Variants in FAM222B observed in about 807,000 individuals in gnomAD.
FAM222B encodes protein FAM222B.
Under a neutral mutation model 38.0 loss-of-function variants are expected in FAM222B, and 12 were observed. That is an observed-to-expected ratio of 0.32 (90% CI 0.20 to 0.51). FAM222B has a LOEUF of 0.51. FAM222B is among the 20% of genes least tolerant of loss of function. The probability of loss-of-function intolerance (pLI) is 0.97; values close to 1 mark genes in which losing one functional copy is unlikely to be tolerated. For synonymous variants in FAM222B, 329 were observed against 317.2 expected (o/e 1.04, Z -0.40); for missense variants, 716 against 754.2 (o/e 0.95, Z 0.59).
intron 1 of FAM222B, chr17:28,849,324 T>C: frequency 6.6e-6 from 1 of 152,304 alleles, no homozygotes; most frequent in South Asian, 2.1e-4. Context: ...AGCGATTTTC[T>C]ACTCTTCGGA....
At chr17:28,763,973 C>A (rs1330926628) in intron 2 of FAM222B, among the ~76,000 whole-genome samples, 1 of 152,066 alleles carries the variant, frequency 6.6e-6, no homozygotes, top group Non-Finnish European at 1.5e-5. Context: ...CAGTGTTCTG[C>A]CATGGAAGGA....
intron 1 of FAM222B, among the ~76,000 whole-genome samples, chr17:28,775,125 T>C (rs1374274938): frequency 2.0e-5 from 3 of 148,482 alleles, no homozygotes; most frequent in African/African-American, 7.4e-5. Context: ...CTCAGCCTCC[T>C]GAGTAGCTGG....
rs570280286 is a variant in FAM222B, at chr17:28,852,059, T to A, written c.-41+2891A>T. Among the ~76,000 whole-genome samples, 377 of 150,640 alleles carry A rather than the reference T, an allele frequency of 2.5e-3. 1 individual carries two copies. The highest frequency in any genetic ancestry group is 8.1e-3 in the East Asian group (41 of 5,046). Reference sequence around the variant, plus strand: ...AGAGTGAGACTGTGGCTCAAAAAAATTTTTTTTTAATTAAAAAAAGCAACG... The same window carrying A: ...AGAGTGAGACTGTGGCTCAAAAAAAATTTTTTTTAATTAAAAAAAGCAACG... On this transcript the variant is annotated intron_variant, in intron 1 of 2. Transcript: ENST00000577513.
At chr17:28,816,533 A>C (rs1174482385) in intron 1 of FAM222B, among the ~76,000 whole-genome samples, 1 of 152,104 alleles carries the variant, frequency 6.6e-6, no homozygotes, top group African/African-American at 2.4e-5. Context: ...CAAATTTCCT[A>C]AATGGCATTT....
At chr17:28,850,190 C>A (rs953261108) in intron 1 of FAM222B, among the ~76,000 whole-genome samples, 1 of 152,114 alleles carries the variant, frequency 6.6e-6, no homozygotes, top group Non-Finnish European at 1.5e-5. Context: ...CTCTTGATAG[C>A]ATGAGGGGCC....
intron 1 of FAM222B, among the ~76,000 whole-genome samples, chr17:28,788,820 TAACC>T (rs1292006785): frequency 6.6e-6 from 1 of 152,020 alleles, no homozygotes; most frequent in Admixed American, 6.6e-5. Flanking sequence ...TGGCTTACTA[TAACC>T]ACTGCCTCCC....
At chr17:28,803,520 C>T (rs1008854031) in intron 1 of FAM222B, among the ~76,000 whole-genome samples, 1 of 151,970 alleles carries the variant, frequency 6.6e-6, no homozygotes. Flanking sequence ...GGGTCTCAAA[C>T]TCCTGGGCTC....
chr17:28,842,159 C>T (rs1159020603), intron 1 of FAM222B, among the ~76,000 whole-genome samples: 1 of 152,082 alleles, frequency 6.6e-6, no homozygotes, highest in Non-Finnish European at 1.5e-5. Flanking sequence ...CCCAAGGTTA[C>T]CTAACAGCTT....
At chr17:28,830,918 A>G (rs1184601184) in intron 1 of FAM222B, among the ~76,000 whole-genome samples, 1 of 151,356 alleles carries the variant, frequency 6.6e-6, no homozygotes, top group Non-Finnish European at 1.5e-5. Context: ...TGAGATGACT[A>G]TTCTTTCTCC....
intron 1 of FAM222B, among the ~76,000 whole-genome samples, chr17:28,833,504 C>A (rs1401539703): frequency 6.7e-6 from 1 of 148,544 alleles, no homozygotes; most frequent in African/African-American, 2.5e-5. Context: ...GTAGTCCCAG[C>A]TACTTGGGAG....
rs1198596578 is a variant in FAM222B, at chr17:28,756,020, A to C, written c.*2250T>G. ...TTACTGGTTTATAATAATCTTAAAA[A>C]CCCCATCACACCCATAAACCACCAC... On this transcript the variant is annotated 3_prime_UTR_variant, in exon 3 of 3. Transcript: ENST00000581407. 2 of 152,388 alleles carry C rather than the reference A, an allele frequency of 1.3e-5. No homozygotes were observed. Among genetic ancestry groups the C allele is most frequent in the African/African-American group, 4.8e-5 (2 of 41,372 alleles). The allele number at this position is 152,388 out of a possible 1,614,324, so 9.4% of individuals were successfully genotyped here.
chr17:28,838,030 T>C (rs988251045), intron 1 of FAM222B, among the ~76,000 whole-genome samples: 42 of 149,254 alleles, frequency 2.8e-4, no homozygotes, highest in Middle Eastern at 3.5e-3. Context: ...CTTTGGGAGG[T>C]AGAGGCGGGT....
chr17:28,823,239 C>T (rs772461685), intron 1 of FAM222B, among the ~76,000 whole-genome samples: 28 of 152,082 alleles, frequency 1.8e-4, no homozygotes, highest in Non-Finnish European at 3.2e-4. Flanking sequence ...ACTTCTATTT[C>T]CACCACTCCA....
chr17:28,765,325 T>C (rs1567796777), intron 2 of FAM222B, among the ~76,000 whole-genome samples: 1 of 152,234 alleles, frequency 6.6e-6, no homozygotes, highest in Admixed American at 6.5e-5. Flanking sequence ...GTAAAAAAGT[T>C]TCACTGGAAC....
At chr17:28,829,544 C>G (rs929876709) in intron 1 of FAM222B, among the ~76,000 whole-genome samples, 3 of 152,140 alleles carry the variant, frequency 2.0e-5, no homozygotes, top group African/African-American at 7.2e-5. Context: ...GAGTTTTCCC[C>G]AGAACATCAT....
intron 1 of FAM222B, among the ~76,000 whole-genome samples, chr17:28,840,795 T>TA (rs1186409173): frequency 4.0e-5 from 6 of 150,562 alleles, no homozygotes; most frequent in Middle Eastern, 3.5e-3. Context: ...CCGAGTGTAC[T>TA]AAAAAAAATA....
rs559624246 is a variant in FAM222B, at chr17:28,784,491, T to TAAAAAAAAAAAAAAAAAAAAA, written c.-40-17805_-40-17785dup. The stretch of plus-strand genomic sequence containing the variant: ...AACAACAGAGTAAGATCCCCTCTCT[T>TAAAAAAAAAAAAAAAAAAAAA]AAAAAAAAAAAAAAAAAAAAAAAAA... On this transcript the variant is annotated intron_variant, in intron 1 of 2. Coordinates refer to ENST00000581407, the MANE Select transcript of FAM222B (RefSeq NM_001077498.3). 1.1e-4 allele frequency among the ~76,000 whole-genome samples: 4 copies of TAAAAAAAAAAAAAAAAAAAAA among 36,030 alleles called. 1 individual carries two copies. The highest frequency in any genetic ancestry group is 4.1e-4 in the Admixed American group (1 of 2,428). 23.6% of individuals were successfully genotyped at this position (36,030 alleles called of 152,430 possible).
upstream of FAM222B, among the ~76,000 whole-genome samples, chr17:28,846,131 A>T (rs2039144114): frequency 6.8e-6 from 1 of 147,944 alleles, no homozygotes; most frequent in Non-Finnish European, 1.5e-5. Flanking sequence ...TGAACCCAGG[A>T]GGTGGAGGTT....
intron 1 of FAM222B, among the ~76,000 whole-genome samples, chr17:28,780,354 CT>C (rs985134080): frequency 1.3e-5 from 2 of 152,062 alleles, no homozygotes; most frequent in African/African-American, 4.8e-5. Flanking sequence ...ATGACATGAT[CT>C]TACATATAGA....
Sources: allele counts gnomAD v4.1 joint callset (sites outside exome capture counted in the v4.1 genomes callset), GRCh38; gene constraint gnomAD v4.1.1; transcripts MANE v1.5; gene names NCBI Gene and HGNC (gene_info 2026-07-23, HGNC 2026-07-21).